Variants in COL26A1 observed in about 807,000 individuals in gnomAD.
COL26A1 encodes the protein collagen alpha-1(XXVI) chain.
In COL26A1, 41 loss-of-function variants were observed where a neutral mutation model predicts 59.3. The observed-to-expected ratio is 0.69, with a 90% CI of 0.54 to 0.90. The LOEUF is 0.90. Among genes scored for constraint, COL26A1 ranks in the 40% least tolerant of loss-of-function variants. COL26A1 has a pLI of 0.00. For missense variants in COL26A1, 612 were observed against 602.3 expected (o/e 1.02, Z -0.17); for synonymous variants, 266 against 256.0 (o/e 1.04, Z -0.37).
At chr7:101,375,051 C>G (rs1791279994) in intron 1 of COL26A1, among the ~76,000 whole-genome samples, 1 of 140,110 alleles carries the variant, frequency 7.1e-6, no homozygotes, top group Non-Finnish European at 1.5e-5. Flanking sequence ...CAGAGTAAGA[C>G]TCCATCTTAA....
At chr7:101,550,319 G>C (rs1214741513) in intron 9 of COL26A1, among the ~76,000 whole-genome samples, 1 of 152,106 alleles carries the variant, frequency 6.6e-6, no homozygotes, top group Non-Finnish European at 1.5e-5. Flanking sequence ...AAATTAGCCT[G>C]GTGTGGTGGC....
chr7:101,393,770 A>AG (rs765584491), intron 1 of COL26A1, among the ~76,000 whole-genome samples: 12 of 150,402 alleles, frequency 8.0e-5, no homozygotes, highest in Middle Eastern at 7.2e-3. Flanking sequence ...TTTTAGAGAC[A>AG]GGGTCTCACT....
intron 3 of COL26A1, among the ~76,000 whole-genome samples, chr7:101,517,515 G>A (rs1170302030): frequency 6.6e-6 from 1 of 152,182 alleles, no homozygotes; most frequent in Non-Finnish European, 1.5e-5. Flanking sequence ...GCTGGGTGCA[G>A]GGAAACTCCC....
chr7:101,455,439 A>G (rs6968457), intron 3 of COL26A1, among the ~76,000 whole-genome samples: 10,133 of 150,896 alleles, frequency 0.067, 697 homozygotes, highest in African/African-American at 0.18. Context: ...AAGCCTCCAG[A>G]TCTTTTTCTG....
Position 101,428,797 on chromosome 7 carries a change from C to T in COL26A1, c.281+8698C>T, listed in dbSNP as rs547684260. Among the ~76,000 whole-genome samples, 9 of 152,092 alleles carry T rather than the reference C, an allele frequency of 5.9e-5. No homozygotes were observed. In the East Asian group the frequency reaches 7.7e-4, roughly 13 times the overall value. ...TGTGAAGATTACAGGCATGAGCCAC[C>T]GCACCTGGCCCGCAAATAATTTTAT... On this transcript the variant is annotated intron_variant, in intron 2 of 12. Coordinates refer to ENST00000313669, the MANE Select transcript of COL26A1 (RefSeq NM_001278563.3).
At chr7:101,417,862 C>T (rs2076469953) in intron 1 of COL26A1, among the ~76,000 whole-genome samples, 1 of 151,834 alleles carries the variant, frequency 6.6e-6, no homozygotes, top group Admixed American at 6.6e-5. Flanking sequence ...GCTGGGTCTA[C>T]AGGTGTGTGC....
At chr7:101,501,995 G>A (rs1794716502) in intron 3 of COL26A1, among the ~76,000 whole-genome samples, 1 of 152,192 alleles carries the variant, frequency 6.6e-6, no homozygotes, top group African/African-American at 2.4e-5. Context: ...CCTCCTCCAG[G>A]AAGCGTTCCC....
intron 1 of COL26A1, among the ~76,000 whole-genome samples, chr7:101,394,207 G>GTGA (rs1195985681): frequency 6.6e-6 from 1 of 152,150 alleles, no homozygotes; most frequent in Non-Finnish European, 1.5e-5. Context: ...AGAGGTTGGA[G>GTGA]TGATGTCAAA....
chr7:101,363,096 G>A lies in COL26A1; in HGVS notation c.64G>A (p.Gly22Ser). The A allele has an allele frequency of 6.4e-7, 1 of 1,565,216 alleles. No homozygotes were observed. The highest frequency in any genetic ancestry group is 8.6e-7 in the Non-Finnish European group (1 of 1,164,388). ...CCTCTGCGGGTCGGCGCTGGCCACCGGCTTCCTCTATCCCTTCTCGGCCGC... is the reference window on the plus strand; with the variant it reads ...CCTCTGCGGGTCGGCGCTGGCCACCAGCTTCCTCTATCCCTTCTCGGCCGC... ...CCLCGSALAT[G>S]FLYPFSAAAL... Residue 22 changes from glycine (G) to serine (S), a missense_variant, in exon 1 of 13, where the codon GGC becomes AGC. Coordinates refer to ENST00000313669, the MANE Select transcript of COL26A1 (RefSeq NM_001278563.3).
chr7:101,533,099 C>A lies in COL26A1; in HGVS notation c.403C>A (p.Arg135=). The A allele has an allele frequency of 1.9e-6, 3 of 1,607,782 alleles. No homozygotes were observed. Among genetic ancestry groups the A allele is most frequent in the South Asian group, 1.1e-5 (1 of 89,786 alleles). Residue 135 remains arginine, a synonymous_variant, in exon 4 of 13, where the codon CGG becomes AGG. Transcript: ENST00000313669. ...TCTTTCAGAATGCATGAACTGCACC[C>A]GGCTCAGTGACATGAGTGAGCGACT... ...NCDEECMNCT[R]LSDMSERLTT...
chr7:101,370,004 A>G (rs1387780225), intron 1 of COL26A1, among the ~76,000 whole-genome samples: 3 of 152,022 alleles, frequency 2.0e-5, no homozygotes, highest in Non-Finnish European at 4.4e-5. Flanking sequence ...CTGGGATTAC[A>G]GGCATGTGCC....
At chr7:101,374,156 C>G (rs914820173) in intron 1 of COL26A1, among the ~76,000 whole-genome samples, 1 of 152,184 alleles carries the variant, frequency 6.6e-6, no homozygotes, top group African/African-American at 2.4e-5. Context: ...CCTGGCCTTC[C>G]CAGCCTGGCC....
intron 2 of COL26A1, among the ~76,000 whole-genome samples, chr7:101,439,501 C>T (rs1792996892): frequency 7.2e-6 from 1 of 139,310 alleles, no homozygotes; most frequent in Non-Finnish European, 1.5e-5. Context: ...TTGCAGTGAG[C>T]CGAGATTGTG....
chr7:101,493,574 G>A (rs961240049), intron 3 of COL26A1, among the ~76,000 whole-genome samples: 1 of 151,982 alleles, frequency 6.6e-6, no homozygotes, highest in South Asian at 2.1e-4. Context: ...CATAAAATGA[G>A]CTATGAGGAT....
intron 3 of COL26A1, among the ~76,000 whole-genome samples, chr7:101,480,467 G>A (rs1199158366): frequency 2.0e-5 from 3 of 151,778 alleles, no homozygotes; most frequent in South Asian, 4.2e-4. Flanking sequence ...ATGTTGCTGG[G>A]GCTTTAATCT....
chr7:101,505,890 T>C (rs1794803644), intron 3 of COL26A1, among the ~76,000 whole-genome samples: 1 of 152,184 alleles, frequency 6.6e-6, no homozygotes, highest in Non-Finnish European at 1.5e-5. Flanking sequence ...ACGGGGAAAC[T>C]GAGGCCCAAC....
At chr7:101,556,177 T>G (rs980096560) in intron 12 of COL26A1, among the ~76,000 whole-genome samples, 1 of 152,222 alleles carries the variant, frequency 6.6e-6, no homozygotes, top group Non-Finnish European at 1.5e-5. Context: ...TGGTGAACAC[T>G]GACTGCCACT....
At chr7:101,436,423 T>C (rs947261843) in intron 2 of COL26A1, among the ~76,000 whole-genome samples, 4 of 152,060 alleles carry the variant, frequency 2.6e-5, no homozygotes, top group African/African-American at 9.7e-5. Context: ...TGGGGGTTCC[T>C]AGTGAGGAAG....
At chr7:101,482,313 C>A (rs1382654506) in intron 3 of COL26A1, among the ~76,000 whole-genome samples, 1 of 152,108 alleles carries the variant, frequency 6.6e-6, no homozygotes, top group African/African-American at 2.4e-5. Flanking sequence ...GCCTGGCCTT[C>A]TTTTTCCTTT....
Sources: gnomAD v4.1 joint callset for allele counts (sites outside exome capture counted in the v4.1 genomes callset) on GRCh38, gnomAD v4.1.1 for gene constraint, MANE v1.5 for transcripts, NCBI Gene and HGNC (gene_info 2026-07-23, HGNC 2026-07-21) for gene names.